The following SGCD variants were observed in gnomAD, a reference collection of about 807,000 sequenced individuals.
SGCD encodes sarcoglycan delta, also known as delta-sarcoglycan.
In SGCD, 18 loss-of-function variants were observed where a neutral mutation model predicts 36.6. The observed-to-expected ratio is 0.49, with a 90% CI of 0.34 to 0.73. The LOEUF is 0.73. Among genes scored for constraint, SGCD ranks in the 30% least tolerant of loss-of-function variants. The pLI, the probability that SGCD is intolerant of heterozygous loss-of-function variation, is 0.01. For synonymous variants in SGCD, 133 were observed against 130.6 expected (o/e 1.02, Z -0.12); for missense variants, 387 against 346.7 (o/e 1.12, Z -0.92).
chr5:156,430,845 G>C (rs984782606), intron 3 of SGCD, among the ~76,000 whole-genome samples: 2 of 152,112 alleles, frequency 1.3e-5, no homozygotes, highest in East Asian at 3.9e-4. Flanking sequence ...AGAGTTCACT[G>C]TCTTCTTTGG....
At chr5:156,397,255 G>A (rs929491974) in intron 3 of SGCD, among the ~76,000 whole-genome samples, 1 of 152,216 alleles carries the variant, frequency 6.6e-6, no homozygotes, top group Non-Finnish European at 1.5e-5. Flanking sequence ...TTTTAGGGCA[G>A]TCGGTCTGCA....
the SGCD span, among the ~76,000 whole-genome samples, chr5:155,864,284 G>C: frequency 6.6e-6 from 1 of 152,136 alleles, no homozygotes; most frequent in Non-Finnish European, 1.5e-5. Context: ...GATGTATGAT[G>C]GTTAAGTAAG....
chr5:155,811,059 C>T, the SGCD span, among the ~76,000 whole-genome samples: 6 of 151,614 alleles, frequency 4.0e-5, no homozygotes, highest in South Asian at 6.3e-4. Flanking sequence ...CCTCGTGATC[C>T]GCCCGCCTCG....
At chr5:156,694,601 A>G (rs1229722580) in intron 7 of SGCD, among the ~76,000 whole-genome samples, 1 of 152,192 alleles carries the variant, frequency 6.6e-6, no homozygotes, top group Non-Finnish European at 1.5e-5. Context: ...TTCCTCTTAA[A>G]ACCAGACCCT....
intron 1 of SGCD, among the ~76,000 whole-genome samples, chr5:156,061,947 T>TG (rs1760223567): frequency 4.3e-5 from 5 of 116,310 alleles, no homozygotes; most frequent in African/African-American, 1.5e-4. Flanking sequence ...TTTTTTTTAT[T>TG]ATACTCTAAG....
chr5:156,556,000 T>A (rs1195711720), intron 4 of SGCD, among the ~76,000 whole-genome samples: 1 of 152,082 alleles, frequency 6.6e-6, no homozygotes, highest in African/African-American at 2.4e-5. Context: ...CAAAGATTCA[T>A]CTTTCTGTCT....
chr5:155,812,120 C>G, the SGCD span, among the ~76,000 whole-genome samples: 3 of 152,134 alleles, frequency 2.0e-5, no homozygotes, highest in Admixed American at 1.3e-4. Context: ...CCGGTTAGAC[C>G]AGAAATTCTC....
chr5:156,484,314 C>A (rs1223865861), intron 3 of SGCD, among the ~76,000 whole-genome samples: 2 of 152,182 alleles, frequency 1.3e-5, no homozygotes, highest in African/African-American at 2.4e-5. Flanking sequence ...GGAGCACACA[C>A]AACATGCCAT....
intron 1 of SGCD, among the ~76,000 whole-genome samples, chr5:155,886,489 T>TGC (rs1756003174): frequency 6.6e-6 from 1 of 151,322 alleles, no homozygotes; most frequent in South Asian, 2.1e-4. Context: ...AATGTGTGTG[T>TGC]GTGTGCGCGC....
intron 7 of SGCD, among the ~76,000 whole-genome samples, chr5:156,722,107 T>G (rs936847587): frequency 6.6e-6 from 1 of 152,212 alleles, no homozygotes; most frequent in African/African-American, 2.4e-5. Context: ...CATATTTCAC[T>G]GGCGAAGTAA....
At chr5:156,738,702 G>A (rs1452111713) in intron 7 of SGCD, 3 of 152,184 alleles carry the variant, frequency 2.0e-5, no homozygotes, top group East Asian at 1.9e-4. Context: ...TTAGAGTTAG[G>A]AACAAAAGAA....
At chr5:156,570,511 A>T (rs895236501) in intron 4 of SGCD, among the ~76,000 whole-genome samples, 2 of 151,918 alleles carry the variant, frequency 1.3e-5, no homozygotes, top group Non-Finnish European at 2.9e-5. Context: ...ATAGATACAT[A>T]CCTAGTCATG....
At chr5:156,310,471 G>T (rs1388684465) in intron 3 of SGCD, among the ~76,000 whole-genome samples, 1 of 152,336 alleles carries the variant, frequency 6.6e-6, no homozygotes, top group South Asian at 2.1e-4. Context: ...TCCCGCCAGT[G>T]TGCTGAGTAG....
At chr5:156,699,549 C>G (rs1055066920) in intron 7 of SGCD, among the ~76,000 whole-genome samples, 1 of 151,996 alleles carries the variant, frequency 6.6e-6, no homozygotes, top group African/African-American at 2.4e-5. Flanking sequence ...TCTGCCCAAT[C>G]TCTAAAAGAA....
At chr5:156,178,641 A>G (rs1763527887) in intron 3 of SGCD, among the ~76,000 whole-genome samples, 1 of 152,170 alleles carries the variant, frequency 6.6e-6, no homozygotes, top group Non-Finnish European at 1.5e-5. Flanking sequence ...ATGGAAGCAG[A>G]GATTGCTCAC....
the SGCD span, among the ~76,000 whole-genome samples, chr5:155,821,318 T>C: frequency 6.6e-6 from 1 of 152,122 alleles, no homozygotes; most frequent in African/African-American, 2.4e-5. Context: ...AGAGTTTTTT[T>C]TTTTCCTTCT....
intron 7 of SGCD, among the ~76,000 whole-genome samples, chr5:156,705,725 G>A (rs1754714624): frequency 6.6e-6 from 1 of 152,160 alleles, no homozygotes; most frequent in Non-Finnish European, 1.5e-5. Flanking sequence ...AGCTTGCACT[G>A]ATTCTGCCTA....
At chr5:156,406,459 G>T (rs1056509278) in intron 3 of SGCD, among the ~76,000 whole-genome samples, 1 of 151,886 alleles carries the variant, frequency 6.6e-6, no homozygotes, top group African/African-American at 2.4e-5. Flanking sequence ...TTATTTTGGT[G>T]CATCCAATTC....
chr5:156,003,095 A>G (rs1461605556), intron 1 of SGCD, among the ~76,000 whole-genome samples: 1 of 152,172 alleles, frequency 6.6e-6, no homozygotes, highest in African/African-American at 2.4e-5. Context: ...TTACCTCGTA[A>G]TTTTAGCTTA....
Sources: gnomAD v4.1 joint callset for allele counts (sites outside exome capture counted in the v4.1 genomes callset) on GRCh38, gnomAD v4.1.1 for gene constraint, MANE v1.5 for transcripts, NCBI Gene and HGNC (gene_info 2026-07-23, HGNC 2026-07-21) for gene names.